The following ZNF581 variants were observed in gnomAD, a reference collection of about 807,000 sequenced individuals.
The protein encoded by ZNF581 is zinc finger protein 581.
Under a neutral mutation model 1.2 loss-of-function variants are expected in ZNF581, and 1 was observed. The ratio of observed to expected loss-of-function variants is 0.83; its 90% CI spans 0.30 to 3.95. The LOEUF is 3.95. ZNF581 is among the 30% of genes most tolerant of loss of function. The pLI, the probability that ZNF581 is intolerant of heterozygous loss-of-function variation, is 0.18. For synonymous variants in ZNF581, 105 were observed against 109.2 expected (o/e 0.96, Z 0.24); for missense variants, 273 against 274.6 (o/e 0.99, Z 0.04).
At chr19:55,637,480 T>C (rs1021333227), upstream of ZNF581, among the ~76,000 whole-genome samples, 3 of 151,944 alleles carry the variant, frequency 2.0e-5, no homozygotes, top group Non-Finnish European at 4.4e-5. Context: ...GAGGCTGCAG[T>C]GAGCTGAGAT....
chr19:55,644,426 AAG>A lies in ZNF581; in HGVS notation c.-19-124_-19-123del. 1.6e-6 allele frequency: 1 copy of A among 642,528 alleles called. No individual in the cohort carries two copies. 39.8% of individuals were successfully genotyped at this position (642,528 alleles called of 1,614,324 possible). On this transcript the variant is annotated intron_variant, in intron 1 of 1. Coordinates refer to ENST00000270451, the MANE Select transcript of ZNF581 (RefSeq NM_016535.4). The surrounding 1 kb of genome is among the most constrained non-coding windows in gnomAD (Gnocchi z 4.3). Reference sequence around the variant, plus strand: ...ACTCCAGCTGTGAGCGGGACTGGAAAAGAGGGACTGAGGGGCAGCAGGATGCA... The same window carrying A: ...ACTCCAGCTGTGAGCGGGACTGGAAAAGGGACTGAGGGGCAGCAGGATGCA...
At chr19:55,642,029 A>T (rs1359398923), upstream of ZNF581, 226 of 821,322 alleles carry the variant, frequency 2.8e-4, no homozygotes, top group Non-Finnish European at 7.6e-5. Context: ...GTGGGGGGGT[A>T]GGGGGCGGCA....
chr19:55,637,728 G>A (rs1278210226), upstream of ZNF581, among the ~76,000 whole-genome samples: 1 of 152,158 alleles, frequency 6.6e-6, no homozygotes, highest in African/African-American at 2.4e-5. Flanking sequence ...GGCAGAGGCA[G>A]GTGCTATCCT....
chr19:55,640,032 G>A (rs1246668909), upstream of ZNF581: 8 of 710,704 alleles, frequency 1.1e-5, no homozygotes, highest in African/African-American at 7.7e-5. Flanking sequence ...ATTGCAGAAA[G>A]TTCTGATGGA....
upstream of ZNF581, among the ~76,000 whole-genome samples, chr19:55,638,111 G>C (rs1982203017): frequency 6.6e-6 from 1 of 152,184 alleles, no homozygotes; most frequent in African/African-American, 2.4e-5. Context: ...TACAGGACGT[G>C]TGGTCCTGGC....
upstream of ZNF581, chr19:55,640,178 G>A (rs1323544703): frequency 3.0e-6 from 3 of 985,354 alleles, no homozygotes; most frequent in African/African-American, 1.7e-5. Context: ...GTGGCGCCAC[G>A]TGGCTGGAGG....
upstream of ZNF581, among the ~76,000 whole-genome samples, chr19:55,639,006 C>CAAAAAAAAAAAA (rs753198174): frequency 3.4e-5 from 3 of 88,140 alleles, no homozygotes; most frequent in Non-Finnish European, 6.0e-5. Flanking sequence ...ACTCCATCTC[C>CAAAAAAAAAAAA]AAAAAAAAAA....
chr19:55,644,724 C>T lies in ZNF581; in HGVS notation c.153C>T (p.Asn51=). 1 of 1,614,066 alleles carries T rather than the reference C, an allele frequency of 6.2e-7. No homozygotes were observed. The highest frequency in any genetic ancestry group is 2.2e-5 in the East Asian group (1 of 44,878). ...SPQASSPPRP[N]HYLLIDTQGV... The stretch of plus-strand genomic sequence containing the variant: ...AGGCTTCATCTCCTCCAAGGCCCAA[C>T]CACTACCTGCTTATTGACACTCAGG... The change falls in exon 2 of 2, where the codon AAC becomes AAT. Residue 51 remains asparagine, a synonymous_variant. Coordinates refer to ENST00000270451, the MANE Select transcript of ZNF581 (RefSeq NM_016535.4). The surrounding 1 kb of genome is among the most constrained non-coding windows in gnomAD (Gnocchi z 4.3).
chr19:55,638,923 T>A (rs1479005307), upstream of ZNF581, among the ~76,000 whole-genome samples: 1 of 145,178 alleles, frequency 6.9e-6, no homozygotes, highest in East Asian at 2.0e-4. Context: ...GAGAATCACC[T>A]GAGCCCGGGA....
chr19:55,640,680 C>A (rs1344666621), upstream of ZNF581: 2 of 985,366 alleles, frequency 2.0e-6, no homozygotes, highest in Non-Finnish European at 2.4e-6. Flanking sequence ...GCAGGAACAT[C>A]CCTTCTCCCG....
At chr19:55,642,446 T>C (rs896687457), upstream of ZNF581, 35 of 1,395,852 alleles carry the variant, frequency 2.5e-5, no homozygotes, top group Middle Eastern at 3.8e-4. Context: ...TAGGAAACTT[T>C]TCCTAAAAGG....
chr19:55,639,838 A>G (rs936588191), upstream of ZNF581, among the ~76,000 whole-genome samples: 4 of 152,150 alleles, frequency 2.6e-5, no homozygotes, highest in Admixed American at 6.5e-5. Flanking sequence ...GCTGGTCTCG[A>G]ACTCCTGACC....
At chr19:55,637,410 G>A (rs1006350698), upstream of ZNF581, among the ~76,000 whole-genome samples, 7 of 152,120 alleles carry the variant, frequency 4.6e-5, no homozygotes, top group Admixed American at 4.6e-4. Context: ...GGTGGTGCGC[G>A]CCTGTAATCC....
rs2123634440 is a variant in ZNF581, at chr19:55,644,009, G to A, written c.-20+235G>A. Among the ~76,000 whole-genome samples the A allele has an allele frequency of 6.6e-6, 1 of 152,348 alleles. No individual in the cohort carries two copies. The highest frequency in any genetic ancestry group is 1.5e-5 in the Non-Finnish European group (1 of 68,034). On this transcript the variant is annotated intron_variant, in intron 1 of 1. Coordinates refer to ENST00000270451, the MANE Select transcript of ZNF581 (RefSeq NM_016535.4). The surrounding 1 kb of genome is among the most constrained non-coding windows in gnomAD (Gnocchi z 4.3). The stretch of plus-strand genomic sequence containing the variant: ...ACGAGCCTGGTGGAGGCCGGGCGAG[G>A]ACTAGAGAGAACCTGAGGTGGGTGG...
Position 55,645,407 on chromosome 19 carries a change from A to G in ZNF581, c.*242A>G, listed in dbSNP as rs1040895622. 8 of 410,802 alleles carry G rather than the reference A, an allele frequency of 1.9e-5. No individual in the cohort carries two copies. Among genetic ancestry groups the G allele is most frequent in the Admixed American group, 1.2e-4 (3 of 24,296 alleles). The allele number at this position is 410,802 out of a possible 1,614,324, so 25.4% of individuals were successfully genotyped here. On this transcript the variant is annotated 3_prime_UTR_variant, in exon 2 of 2. Transcript: ENST00000270451. ...CAGAATGGAGTCCTCTAGCCTAAAG[A>G]TATCAGCTGTTCCATGGCAGAGCCT... is the stretch of plus-strand genomic sequence containing the variant.
rs1302823484 is a variant in ZNF581, at chr19:55,644,648, G to A, written c.77G>A (p.Arg26Gln). The A allele has an allele frequency of 6.8e-6, 11 of 1,611,070 alleles. No homozygotes were observed. The highest frequency in any genetic ancestry group is 9.3e-6 in the Non-Finnish European group (11 of 1,178,708). ...GAGACCATGGAGGGCCCTCCCCGTC[G>A]GACTTGCCGCTCCCCAGAACCTGGA... ...SVETMEGPPR[R>Q]TCRSPEPGPS... The change falls in exon 2 of 2, where the codon CGG (arginine) becomes CAG (glutamine). Residue 26 changes from arginine (R) to glutamine (Q), a missense_variant. Transcript: ENST00000270451. This position sits in a 1 kb window ranked among gnomAD's most constrained non-coding sequence, Gnocchi z 4.3.
At chr19:55,643,369 A>T, upstream of ZNF581, 1 of 293,012 alleles carries the variant, frequency 3.4e-6, no homozygotes, top group East Asian at 6.1e-5. Flanking sequence ...GTCTGCGGGG[A>T]AGAGATGATA....
upstream of ZNF581, chr19:55,640,924 C>A: frequency 1.0e-6 from 1 of 985,340 alleles, no homozygotes. Context: ...CCGCAGGGCG[C>A]TCCGCAGAGG....
chr19:55,643,459 T>G, upstream of ZNF581: 5 of 183,392 alleles, frequency 2.7e-5, no homozygotes, highest in East Asian at 1.6e-4. Context: ...TCAATAAACA[T>G]TCCGCACTCC....
Sources: gnomAD v4.1 joint callset for allele counts (sites outside exome capture counted in the v4.1 genomes callset) on GRCh38, gnomAD v4.1.1 for gene constraint, Gnocchi (gnomAD v3.1) non-coding constraint, MANE v1.5 for transcripts, NCBI Gene and HGNC (gene_info 2026-07-23, HGNC 2026-07-21) for gene names.